Variants in HCK observed in about 807,000 individuals in gnomAD.
The protein encoded by HCK is tyrosine-protein kinase HCK.
HCK carries 40 observed loss-of-function variants against 70.4 expected under a neutral mutation model. That is an observed-to-expected ratio of 0.57 (90% CI 0.44 to 0.74). HCK has a LOEUF of 0.74. HCK is among the 30% of genes least tolerant of loss of function. The pLI is 0.00. For missense variants in HCK, 568 were observed against 697.2 expected, an observed-to-expected ratio of 0.81 and a Z score of 2.09; for synonymous variants, 245 against 263.2, an observed-to-expected ratio of 0.93 and a Z score of 0.67.
chr20:32,090,185 A>G (rs988857512), intron 10 of HCK, among the ~76,000 whole-genome samples: 2 of 152,234 alleles, frequency 1.3e-5, no homozygotes, highest in African/African-American at 4.8e-5. Context: ...ATCATCTTCA[A>G]ACTAGCAGAA....
At chr20:32,094,705 A>AAAAG (rs71185377) in intron 11 of HCK, among the ~76,000 whole-genome samples, 3,457 of 74,726 alleles carry the variant, frequency 0.046, 113 homozygotes, top group Non-Finnish European at 0.05. Context: ...AAAAGAAAAG[A>AAAAG]AAAGAAAGAA....
chr20:32,073,781 A>G lies in HCK; in HGVS notation c.292A>G (p.Ser98Gly), dbSNP rs1420861231. The change falls in exon 4 of 13, where the codon AGC becomes GGC. Residue 98 changes from serine (S) to glycine (G), a missense_variant. Physicochemically the swap from Ser to Gly is moderately conservative, Grantham distance 56. This residue lies in a region of HCK where 318 missense variants were observed against 336.0 expected (regional missense o/e 0.95). Transcript: ENST00000375852. Reference sequence around the variant, plus strand: ...CGAGGCCATTCACCACGAAGACCTCAGCTTCCAGAAGGGGGACCAGATGGT... The same window carrying G: ...CGAGGCCATTCACCACGAAGACCTCGGCTTCCAGAAGGGGGACCAGATGGT... The G allele has an allele frequency of 1.2e-5, 19 of 1,554,868 alleles. No individual in the cohort carries two copies.
At chr20:32,090,311 A>G (rs7347740) in intron 10 of HCK, among the ~76,000 whole-genome samples, 1 of 152,188 alleles carries the variant, frequency 6.6e-6, no homozygotes, top group Non-Finnish European at 1.5e-5. Context: ...CCAGAAGCAG[A>G]GGTAGATTCA....
chr20:32,054,085 GAA>G, intron 1 of HCK: 1 of 394,126 alleles, frequency 2.5e-6, no homozygotes, highest in South Asian at 1.8e-5. Flanking sequence ...CCACCATCCA[GAA>G]TTAACAAATA....
At chr20:32,095,832 G>A (rs115477395) in intron 11 of HCK, among the ~76,000 whole-genome samples, 1,701 of 152,100 alleles carry the variant, frequency 0.011, 41 homozygotes, top group African/African-American at 0.038. Flanking sequence ...CAGAATTGCA[G>A]TCACCTTTAG....
chr20:32,054,544 C>T (rs1387869830), intron 1 of HCK, among the ~76,000 whole-genome samples: 2 of 134,498 alleles, frequency 1.5e-5, no homozygotes, highest in Non-Finnish European at 3.1e-5. Context: ...CGGGGGCTCA[C>T]GCCTGTAATC....
chr20:32,069,834 T>G (rs2045512607), intron 1 of HCK: 2 of 1,013,720 alleles, frequency 2.0e-6, no homozygotes, highest in South Asian at 1.4e-5. Flanking sequence ...TTTTTTTCCT[T>G]AAACCACAAA....
intron 11 of HCK, among the ~76,000 whole-genome samples, chr20:32,098,033 ATATTT>A (rs112064933): frequency 0.45 from 66,966 of 148,748 alleles, 17,722 homozygotes; most frequent in African/African-American, 0.75. Flanking sequence ...CTATTTTTTT[ATATTT>A]TATTTTATTT....
chr20:32,078,879 A>AAAAG (rs1568987292), intron 5 of HCK, among the ~76,000 whole-genome samples: 2 of 134,956 alleles, frequency 1.5e-5, no homozygotes, highest in African/African-American at 5.9e-5. Flanking sequence ...AAAAAAAAAA[A>AAAAG]GGGGGGGAAT....
At chr20:32,075,556 G>A (rs2045609700) in intron 5 of HCK, among the ~76,000 whole-genome samples, 1 of 152,106 alleles carries the variant, frequency 6.6e-6, no homozygotes, top group African/African-American at 2.4e-5. Context: ...TTCAAGCCCT[G>A]TGCCAGCCTA....
chr20:32,069,827 T>A, intron 1 of HCK: 5 of 1,124,776 alleles, frequency 4.4e-6, no homozygotes, highest in Non-Finnish European at 3.5e-6. Flanking sequence ...TTTGGGGTTT[T>A]TTTCCTTAAA....
At chr20:32,090,103 C>T (rs1225463917) in intron 10 of HCK, among the ~76,000 whole-genome samples, 3 of 152,194 alleles carry the variant, frequency 2.0e-5, no homozygotes. Flanking sequence ...ATGCCAGAGG[C>T]ATATGGAAAT....
intron 11 of HCK, among the ~76,000 whole-genome samples, chr20:32,096,886 T>A (rs1485493961): frequency 6.6e-6 from 1 of 151,800 alleles, no homozygotes; most frequent in Non-Finnish European, 1.5e-5. Context: ...TACAGCCCAA[T>A]CTGATGGTGA....
At chr20:32,072,062 G>A (rs2045548984) in intron 2 of HCK, 1 of 436,228 alleles carries the variant, frequency 2.3e-6, no homozygotes, top group Non-Finnish European at 4.1e-6. Context: ...TCCGGCCTGG[G>A]CAGAAGCAAA....
chr20:32,094,083 C>G, intron 11 of HCK, 67 bp downstream of exon 11: 3 of 1,459,310 alleles, frequency 2.1e-6, no homozygotes, highest in Non-Finnish European at 2.8e-6. Flanking sequence ...AGAGTTGATA[C>G]TTGTGAGAGC....
chr20:32,086,785 C>T lies in HCK; in HGVS notation c.993C>T (p.Ile331=), dbSNP rs34436416. ...TGGTCACCAAGGAGCCCATCTACAT[C>T]ATCACGGAGTTCATGGCCAAAGGTG... Residue 331 remains isoleucine (I), a synonymous_variant, in exon 9 of 13, where the codon ATC becomes ATT. Transcript: ENST00000375852. The T allele has an allele frequency of 3.0e-5, 48 of 1,587,698 alleles. No individual in the cohort carries two copies. The highest frequency in any genetic ancestry group is 4.0e-5 in the Non-Finnish European group (47 of 1,166,406).
intron 6 of HCK, 102 bp from the exon 7 acceptor site, chr20:32,083,792 C>T: frequency 2.1e-6 from 3 of 1,400,416 alleles, no homozygotes; most frequent in Non-Finnish European, 3.0e-6. Context: ...GCCCAGGTGT[C>T]AGGACGGTGC....
intron 1 of HCK, among the ~76,000 whole-genome samples, chr20:32,065,277 A>G (rs746721029): frequency 6.6e-6 from 1 of 152,204 alleles, no homozygotes; most frequent in Non-Finnish European, 1.5e-5. Flanking sequence ...AGATTCCAGG[A>G]CCTCACTCCC....
intron 1 of HCK, among the ~76,000 whole-genome samples, chr20:32,067,178 G>C (rs527891311): frequency 6.6e-6 from 1 of 152,234 alleles, no homozygotes; most frequent in South Asian, 2.1e-4. Flanking sequence ...CCCCTCCTAT[G>C]TTTACCACTC....
Sources: gnomAD v4.1 joint callset for allele counts (sites outside exome capture counted in the v4.1 genomes callset) on GRCh38, gnomAD v4.1.1 for gene constraint, gnomAD v4.1.1 regional missense constraint, MANE v1.5 for transcripts, NCBI Gene and HGNC (gene_info 2026-07-23, HGNC 2026-07-21) for gene names.